GRIK2: variants seen among roughly 807,000 people sequenced by gnomAD.
The protein encoded by GRIK2 is glutamate ionotropic receptor kainate type subunit 2.
Under a neutral mutation model 100.3 loss-of-function variants are expected in GRIK2, and 32 were observed. That is an observed-to-expected ratio of 0.32 (90% CI 0.24 to 0.43). The LOEUF is 0.43. Ranked by LOEUF, GRIK2 falls within the 20% of genes least tolerant of loss-of-function variation. The pLI is 1.00. For synonymous variants in GRIK2, 417 were observed against 389.4 expected, an observed-to-expected ratio of 1.07 and a Z score of -0.83; for missense variants, 843 against 1,114.9, an observed-to-expected ratio of 0.76 and a Z score of 3.47.
At chr6:101,697,651 C>A (rs1432958394) in intron 7 of GRIK2, among the ~76,000 whole-genome samples, 1 of 151,836 alleles carries the variant, frequency 6.6e-6, no homozygotes, top group Non-Finnish European at 1.5e-5. Flanking sequence ...GTTTTTCATG[C>A]CTGTAGTAGA....
chr6:101,707,764 T>TAAAATA, intron 7 of GRIK2, among the ~76,000 whole-genome samples: 1 of 151,396 alleles, frequency 6.6e-6, no homozygotes, highest in East Asian at 2.0e-4. Flanking sequence ...TAGCATTTGA[T>TAAAATA]GTATAGTCTT....
intron 2 of GRIK2, among the ~76,000 whole-genome samples, chr6:101,497,421 T>C (rs761587734): frequency 1.3e-5 from 2 of 152,278 alleles, no homozygotes; most frequent in Non-Finnish European, 2.9e-5. Flanking sequence ...AATGACCAAA[T>C]GAATGAGTCA....
chr6:101,712,094 G>A (rs2128359653), intron 7 of GRIK2, among the ~76,000 whole-genome samples: 1 of 151,820 alleles, frequency 6.6e-6, no homozygotes, highest in East Asian at 1.9e-4. Flanking sequence ...GCTGAAATTA[G>A]AACTTTTAAT....
At chr6:101,720,822 G>A (rs1332197053) in intron 7 of GRIK2, among the ~76,000 whole-genome samples, 1 of 151,896 alleles carries the variant, frequency 6.6e-6, no homozygotes, top group Non-Finnish European at 1.5e-5. Flanking sequence ...TTATTTTATT[G>A]CTGGATGAAA....
At chr6:101,594,243 A>G (rs1000273806) in intron 2 of GRIK2, among the ~76,000 whole-genome samples, 3 of 151,824 alleles carry the variant, frequency 2.0e-5, no homozygotes, top group African/African-American at 7.2e-5. Context: ...TATTTTCTCA[A>G]CATAGGAAAG....
intron 2 of GRIK2, among the ~76,000 whole-genome samples, chr6:101,502,400 A>C (rs962554135): frequency 2.0e-5 from 3 of 152,198 alleles, no homozygotes; most frequent in African/African-American, 7.2e-5. Flanking sequence ...AATATCCATC[A>C]TTAGCGAGAA....
chr6:101,434,734 G>A (rs189375831), intron 2 of GRIK2, among the ~76,000 whole-genome samples: 5 of 152,098 alleles, frequency 3.3e-5, no homozygotes, highest in Non-Finnish European at 5.9e-5. Context: ...TCACACACCC[G>A]GTCCCTCATG....
intron 14 of GRIK2, among the ~76,000 whole-genome samples, chr6:101,933,091 G>A (rs367903914): frequency 2.3e-4 from 35 of 152,034 alleles, no homozygotes; most frequent in African/African-American, 8.4e-4. Context: ...AATCTACAAG[G>A]TATTGCCTTG....
chr6:101,419,034 AAAG>A (rs1776287275), intron 2 of GRIK2, among the ~76,000 whole-genome samples: 1 of 152,186 alleles, frequency 6.6e-6, no homozygotes, highest in Non-Finnish European at 1.5e-5. Context: ...CCAAAATAGG[AAAG>A]AAGAAAGACT....
At chr6:101,455,450 T>A (rs1770950769) in intron 2 of GRIK2, among the ~76,000 whole-genome samples, 1 of 152,098 alleles carries the variant, frequency 6.6e-6, no homozygotes, top group Non-Finnish European at 1.5e-5. Context: ...TATTTTCTAG[T>A]TTCCTCAATT....
chr6:101,804,849 G>A (rs1780889096), intron 9 of GRIK2, among the ~76,000 whole-genome samples: 1 of 151,858 alleles, frequency 6.6e-6, no homozygotes, highest in African/African-American at 2.4e-5. Context: ...CGGTTCTTAA[G>A]AAAAATTGAA....
At chr6:101,538,218 ATCAGTTAATCTAATTTT>A (rs1775810005) in intron 2 of GRIK2, among the ~76,000 whole-genome samples, 61 of 151,712 alleles carry the variant, frequency 4.0e-4, no homozygotes, top group Admixed American at 4.0e-3. Flanking sequence ...AGAATTTAGA[ATCAGTTAATCTAATTTT>A]AGTGATGGCA....
intron 7 of GRIK2, among the ~76,000 whole-genome samples, chr6:101,736,114 A>T (rs1376137265): frequency 2.0e-5 from 3 of 152,186 alleles, no homozygotes; most frequent in African/African-American, 7.2e-5. Context: ...TTGATGTAAG[A>T]TGTGGGTTCC....
intron 2 of GRIK2, among the ~76,000 whole-genome samples, chr6:101,447,404 A>T (rs1050291785): frequency 7.2e-5 from 11 of 151,770 alleles, no homozygotes; most frequent in Non-Finnish European, 1.6e-4. Context: ...GGTTTCAAAA[A>T]TAGAGAGCTC....
At chr6:102,001,326 A>G (rs1034257775) in intron 14 of GRIK2, among the ~76,000 whole-genome samples, 1 of 151,704 alleles carries the variant, frequency 6.6e-6, no homozygotes, top group Admixed American at 6.6e-5. Context: ...CACATGCATT[A>G]GGTATTTGTC....
At chr6:102,053,722 A>AATGG (rs1486097885) in intron 15 of GRIK2, among the ~76,000 whole-genome samples, 2 of 152,116 alleles carry the variant, frequency 1.3e-5, no homozygotes, top group African/African-American at 2.4e-5. Flanking sequence ...TGGATGGATA[A>AATGG]ATGGATGGAT....
At chr6:101,433,126 C>G (rs963822166) in intron 2 of GRIK2, among the ~76,000 whole-genome samples, 4 of 152,220 alleles carry the variant, frequency 2.6e-5, no homozygotes, top group African/African-American at 9.6e-5. Context: ...CAGAAAATCC[C>G]AAGAGATTTT....
At chr6:101,670,800 A>G (rs957953265) in intron 4 of GRIK2, among the ~76,000 whole-genome samples, 4 of 152,228 alleles carry the variant, frequency 2.6e-5, no homozygotes, top group Non-Finnish European at 5.9e-5. Flanking sequence ...AAACATAATG[A>G]CAAACAGCCA....
intron 2 of GRIK2, among the ~76,000 whole-genome samples, chr6:101,617,426 T>A (rs1305487470): frequency 6.6e-6 from 1 of 151,868 alleles, no homozygotes; most frequent in Non-Finnish European, 1.5e-5. Context: ...TTGCATGTAG[T>A]TCTTTATTGA....
Sources: gnomAD v4.1 joint callset for allele counts (sites outside exome capture counted in the v4.1 genomes callset) on GRCh38, gnomAD v4.1.1 for gene constraint, MANE v1.5 for transcripts, NCBI Gene and HGNC (gene_info 2026-07-23, HGNC 2026-07-21) for gene names.